PLSCR4: variants seen among roughly 807,000 people sequenced by gnomAD.
PLSCR4 encodes the protein Ca(2+)-dependent phospholipid scramblase 4.
A neutral mutation model predicts 36.3 loss-of-function variants in PLSCR4; 25 were observed. The ratio of observed to expected loss-of-function variants is 0.69; its 90% confidence interval spans 0.50 to 0.96. The LOEUF (loss-of-function observed/expected upper bound fraction) is 0.96. PLSCR4 is among the 40% of genes least tolerant of loss of function. The probability of loss-of-function intolerance (pLI) is 0.00; values close to 1 mark genes in which losing one functional copy is unlikely to be tolerated. For synonymous variants in PLSCR4, 122 were observed against 132.9 expected, an observed-to-expected ratio of 0.92 and a Z score of 0.56; for missense variants, 408 against 414.7, an observed-to-expected ratio of 0.98 and a Z score of 0.14.
intron 5 of PLSCR4, among the ~76,000 whole-genome samples, 164 bp downstream of exon 5, chr3:146,200,871 C>T (rs1347067422): frequency 6.6e-6 from 1 of 151,820 alleles, no homozygotes; most frequent in African/African-American, 2.4e-5. Flanking sequence ...TAAAATTATA[C>T]AAAATAATTC....
chr3:146,230,498 TC>T (rs1402235255), intron 1 of PLSCR4, among the ~76,000 whole-genome samples: 1 of 152,004 alleles, frequency 6.6e-6, no homozygotes, highest in Non-Finnish European at 1.5e-5. Flanking sequence ...CAAGGGGAGA[TC>T]ATATTTATGA....
At chr3:146,230,142 T>G (rs751297807) in intron 1 of PLSCR4, among the ~76,000 whole-genome samples, 1 of 152,106 alleles carries the variant, frequency 6.6e-6, no homozygotes, top group Non-Finnish European at 1.5e-5. Context: ...GAGTTGCAAA[T>G]TCTGGGTGTT....
At chr3:146,243,749 A>G (rs1320556197) in intron 1 of PLSCR4, among the ~76,000 whole-genome samples, 1 of 152,202 alleles carries the variant, frequency 6.6e-6, no homozygotes, top group East Asian at 1.9e-4. Flanking sequence ...AACCATTGTT[A>G]ATGAGACAGC....
chr3:146,220,963 A>G, intron 2 of PLSCR4, 38 bp from the exon 3 acceptor site: 1 of 1,209,488 alleles, frequency 8.3e-7, no homozygotes, highest in Non-Finnish European at 1.2e-6. Flanking sequence ...TACAAAGGAA[A>G]CAATAATATA....
intron 1 of PLSCR4, chr3:146,223,726 C>A (rs1366174594): frequency 2.0e-5 from 3 of 151,834 alleles, no homozygotes; most frequent in Non-Finnish European, 4.4e-5. Flanking sequence ...GGACCATCTC[C>A]ACTCACCTCT....
At chr3:146,240,007 T>C (rs1354313654) in intron 1 of PLSCR4, among the ~76,000 whole-genome samples, 2 of 152,130 alleles carry the variant, frequency 1.3e-5, no homozygotes, top group Admixed American at 6.5e-5. Context: ...ACATCAATAG[T>C]AAAAGCAACA....
intron 1 of PLSCR4, among the ~76,000 whole-genome samples, chr3:146,238,270 A>G (rs371866587): frequency 1.3e-5 from 2 of 151,962 alleles, no homozygotes; most frequent in Non-Finnish European, 2.9e-5. Context: ...TAAGGAATGA[A>G]TATCAACCCT....
intron 7 of PLSCR4, chr3:146,196,398 G>T (rs1309190728): frequency 8.7e-6 from 4 of 460,104 alleles, no homozygotes; most frequent in South Asian, 3.4e-5. Flanking sequence ...TGTATTAAAT[G>T]ATTTCTTTTT....
chr3:146,194,514 G>T, intron 8 of PLSCR4, 59 bp from the exon 9 acceptor site: 1 of 981,118 alleles, frequency 1.0e-6, no homozygotes, highest in Non-Finnish European at 1.6e-6. Context: ...AATGCATGCG[G>T]TATTATCCTT....
At chr3:146,241,491 C>T (rs952824848) in intron 1 of PLSCR4, among the ~76,000 whole-genome samples, 7 of 152,116 alleles carry the variant, frequency 4.6e-5, no homozygotes, top group African/African-American at 1.7e-4. Context: ...CTAAGCATGA[C>T]TGATCCTAAC....
At chr3:146,224,689 G>A (rs1042104701) in intron 1 of PLSCR4, among the ~76,000 whole-genome samples, 1 of 152,004 alleles carries the variant, frequency 6.6e-6, no homozygotes, top group Non-Finnish European at 1.5e-5. Flanking sequence ...ACCCGAGCGG[G>A]TTGCCAATGC....
intron 3 of PLSCR4, among the ~76,000 whole-genome samples, chr3:146,219,478 G>GC (rs1559913357): frequency 6.6e-6 from 1 of 152,088 alleles, no homozygotes; most frequent in Non-Finnish European, 1.5e-5. Flanking sequence ...GAAAGGTTGC[G>GC]CTATTAATGC....
chr3:146,196,659 A>G lies in PLSCR4; in HGVS notation c.759T>C (p.Tyr253=). Reference sequence around the variant, plus strand: ...CAAAAACAGAATCTGAACCACAGCCATAGGTTGAGCATGGCCCACGAACTC... The same window carrying G: ...CAAAAACAGAATCTGAACCACAGCCGTAGGTTGAGCATGGCCCACGAACTC... ...VMRVRGPCST[Y]GCGSDSVFEV... is the part of the protein sequence containing the mutation. Residue 253 remains tyrosine, a synonymous_variant, in exon 7 of 9, where the codon TAT becomes TAC. Coordinates refer to ENST00000354952, the MANE Select transcript of PLSCR4 (RefSeq NM_020353.3). The G allele has an allele frequency of 6.2e-7, 1 of 1,614,002 alleles. No homozygotes were observed. Among genetic ancestry groups the G allele is most frequent in the South Asian group, 1.1e-5 (1 of 91,088 alleles).
chr3:146,229,371 G>A (rs2035605131), intron 1 of PLSCR4, among the ~76,000 whole-genome samples: 1 of 151,952 alleles, frequency 6.6e-6, no homozygotes, highest in East Asian at 1.9e-4. Context: ...TTCAATCCAT[G>A]AAGCCAATAA....
At chr3:146,231,026 T>G (rs887410246) in intron 1 of PLSCR4, among the ~76,000 whole-genome samples, 2 of 150,760 alleles carry the variant, frequency 1.3e-5, no homozygotes, top group African/African-American at 5.0e-5. Context: ...TCCCACCTTC[T>G]GCCCTCCAGA....
At chr3:146,240,434 C>T (rs75083551) in intron 1 of PLSCR4, among the ~76,000 whole-genome samples, 388 of 152,152 alleles carry the variant, frequency 2.6e-3, no homozygotes, top group Non-Finnish European at 3.7e-3. Flanking sequence ...CATGAGACCC[C>T]GTCTCTACGA....
intron 1 of PLSCR4, among the ~76,000 whole-genome samples, chr3:146,234,546 CTT>C (rs975617738): frequency 6.6e-6 from 1 of 151,816 alleles, no homozygotes; most frequent in African/African-American, 2.4e-5. Flanking sequence ...ACCCTGTTCC[CTT>C]TTTTTTCTCT....
rs879444100 is a variant in PLSCR4, at chr3:146,225,528, G to A, written c.-21-3436C>T. 2.0e-5 allele frequency among the ~76,000 whole-genome samples: 3 copies of A among 152,310 alleles called. No individual in the cohort carries two copies. The East Asian group carries it at 5.8e-4, about 29-fold the overall frequency. On this transcript the variant is annotated intron_variant, in intron 1 of 8. Coordinates refer to ENST00000354952, the MANE Select transcript of PLSCR4 (RefSeq NM_020353.3). ...TCGGGCCGCACAGGAGCCCATGGAG[G>A]GGGTGGGAGGCTCAGGCATGGCAGG...
chr3:146,240,221 C>A (rs898458322), intron 1 of PLSCR4, among the ~76,000 whole-genome samples: 2 of 152,066 alleles, frequency 1.3e-5, no homozygotes, highest in Admixed American at 1.3e-4. Context: ...AAAGAATTTG[C>A]ACATTTCTCC....
Sources: gnomAD v4.1 joint callset for allele counts (sites outside exome capture counted in the v4.1 genomes callset) on GRCh38, gnomAD v4.1.1 for gene constraint, MANE v1.5 for transcripts, NCBI Gene and HGNC (gene_info 2026-07-23, HGNC 2026-07-21) for gene names.